The following MEI4 variants were observed in gnomAD, a reference collection of about 807,000 sequenced individuals.
MEI4 encodes the protein meiotic double-stranded break formation protein 4.
A neutral mutation model predicts 31.4 loss-of-function variants in MEI4; 27 were observed. The observed-to-expected ratio is 0.86, with a 90% CI of 0.63 to 1.19. MEI4 has a LOEUF of 1.19. MEI4 is among the 50% of genes most tolerant of loss of function. MEI4 has a pLI of 0.00. For synonymous variants in MEI4, 122 were observed against 145.4 expected (o/e 0.84, Z 1.16); for missense variants, 329 against 398.9 (o/e 0.82, Z 1.49).
intron 3 of MEI4, among the ~76,000 whole-genome samples, chr6:77,794,460 G>C (rs991749072): frequency 6.6e-6 from 1 of 152,262 alleles, no homozygotes; most frequent in East Asian, 1.9e-4. Context: ...CTACTCGGGA[G>C]GGTGAGGCAG....
chr6:77,806,035 T>A (rs1331322197), intron 3 of MEI4, among the ~76,000 whole-genome samples: 1 of 152,142 alleles, frequency 6.6e-6, no homozygotes, highest in East Asian at 1.9e-4. Context: ...CCCTTTCGTC[T>A]GGCTTGTTTC....
intron 4 of MEI4, 77 bp from the exon 5 acceptor site, chr6:77,923,012 C>T (rs1766745237): frequency 1.1e-5 from 10 of 891,166 alleles, no homozygotes; most frequent in Non-Finnish European, 1.5e-5. Context: ...TTGCCTGAAA[C>T]TCTGATATCT....
intron 4 of MEI4, among the ~76,000 whole-genome samples, chr6:77,860,729 C>T (rs1327384891): frequency 6.6e-6 from 1 of 152,052 alleles, no homozygotes; most frequent in Non-Finnish European, 1.5e-5. Context: ...CTCCAAAATA[C>T]AACTCAAAGC....
intron 2 of MEI4, among the ~76,000 whole-genome samples, chr6:77,736,832 T>G (rs1767252828): frequency 6.7e-6 from 1 of 150,104 alleles, no homozygotes; most frequent in Non-Finnish European, 1.5e-5. Flanking sequence ...GGAGAGAAAG[T>G]GATTATTTTG....
intron 2 of MEI4, among the ~76,000 whole-genome samples, chr6:77,756,391 C>T (rs1169801749): frequency 6.6e-6 from 1 of 152,116 alleles, no homozygotes; most frequent in Middle Eastern, 3.4e-3. Flanking sequence ...TGAGTGGTTT[C>T]CAGTATGGAA....
chr6:77,720,513 G>A lies in MEI4; in HGVS notation c.232+29610G>A. Among the ~76,000 whole-genome samples, 2 of 135,200 alleles carry A rather than the reference G, an allele frequency of 1.5e-5. 1 individual carries two copies. The highest frequency in any genetic ancestry group is 3.2e-5 in the Non-Finnish European group (2 of 62,648). 88.7% of individuals were successfully genotyped at this position (135,200 alleles called of 152,430 possible). On this transcript the variant is annotated intron_variant, in intron 2 of 4. Coordinates refer to ENST00000684080, the MANE Select transcript of MEI4 (RefSeq NM_001322247.2). ...AGTTGCCCATATGAAATGTGAATAA[G>A]TATCAACTGTTACATGAACATATGA...
chr6:77,708,243 A>T (rs112175592), intron 2 of MEI4, among the ~76,000 whole-genome samples: 4 of 152,246 alleles, frequency 2.6e-5, no homozygotes, highest in African/African-American at 9.6e-5. Context: ...CCAGTATGTC[A>T]TGGATATGGG....
intron 4 of MEI4, among the ~76,000 whole-genome samples, chr6:77,914,314 A>G (rs1766495316): frequency 6.6e-6 from 1 of 151,942 alleles, no homozygotes; most frequent in Non-Finnish European, 1.5e-5. Context: ...TTGTTTCAAG[A>G]CATTTTTTAA....
In MEI4 at chr6:77,735,888, C is replaced by T. The variant is rs548302516; in HGVS notation, c.233-25242C>T. Reference sequence around the variant, plus strand: ...TCAGCTGCAGGTCTGTTGGAGTACCCGGCCGTGTGAGGTGTCAGTCTGCCC... The same window carrying T: ...TCAGCTGCAGGTCTGTTGGAGTACCTGGCCGTGTGAGGTGTCAGTCTGCCC... On this transcript the variant is annotated intron_variant, in intron 2 of 4. Coordinates refer to ENST00000684080, the MANE Select transcript of MEI4 (RefSeq NM_001322247.2). Among the ~76,000 whole-genome samples, 12 of 151,686 alleles carry T rather than the reference C, an allele frequency of 7.9e-5. No individual in the cohort carries two copies. In the South Asian group the frequency reaches 8.4e-4, roughly 11 times the overall value.
At chr6:77,866,468 C>A (rs1255721204) in intron 4 of MEI4, among the ~76,000 whole-genome samples, 4 of 152,154 alleles carry the variant, frequency 2.6e-5, no homozygotes, top group Admixed American at 1.3e-4. Flanking sequence ...AGTGAACTCC[C>A]ATTCACAATT....
At chr6:77,817,687 GAT>G (rs1328891914) in intron 3 of MEI4, among the ~76,000 whole-genome samples, 3 of 151,736 alleles carry the variant, frequency 2.0e-5, no homozygotes, top group Non-Finnish European at 2.9e-5. Context: ...GATAAAATGT[GAT>G]GTTATAATTT....
chr6:77,716,088 C>A (rs1766577172), intron 2 of MEI4, among the ~76,000 whole-genome samples: 1 of 152,148 alleles, frequency 6.6e-6, no homozygotes, highest in Non-Finnish European at 1.5e-5. Flanking sequence ...TGCCTGGCAC[C>A]ATGCTAAGTG....
At chr6:77,663,122 C>G (rs1768544609) in intron 1 of MEI4, among the ~76,000 whole-genome samples, 1 of 152,184 alleles carries the variant, frequency 6.6e-6, no homozygotes, top group South Asian at 2.1e-4. Flanking sequence ...GGTGGATAGG[C>G]AAAACAATTT....
At chr6:77,841,314 C>CATATATATATATATATATATATATAT (rs1315994932) in intron 4 of MEI4, among the ~76,000 whole-genome samples, 2 of 51,898 alleles carry the variant, frequency 3.9e-5, no homozygotes, top group African/African-American at 2.3e-4. Flanking sequence ...CAAATGTGTG[C>CATATATATATATATATATATATATAT]ATATATATAT....
intron 2 of MEI4, among the ~76,000 whole-genome samples, chr6:77,705,175 C>T (rs558681625): frequency 1.3e-5 from 2 of 151,802 alleles, no homozygotes; most frequent in South Asian, 4.2e-4. Flanking sequence ...TCTCTCCCTT[C>T]TCCCCTCCAT....
intron 2 of MEI4, among the ~76,000 whole-genome samples, chr6:77,735,464 A>C (rs1474917033): frequency 1.3e-5 from 2 of 151,684 alleles, no homozygotes; most frequent in Admixed American, 1.3e-4. Context: ...GTAGTTCTCG[A>C]GCCTTGGTTT....
At chr6:77,716,552 T>C (rs1766585852) in intron 2 of MEI4, among the ~76,000 whole-genome samples, 1 of 152,038 alleles carries the variant, frequency 6.6e-6, no homozygotes, top group South Asian at 2.1e-4. Context: ...GCTGAATGTG[T>C]GGAGTCCAGT....
chr6:77,800,255 C>T (rs1194725113), intron 3 of MEI4, among the ~76,000 whole-genome samples: 1 of 152,002 alleles, frequency 6.6e-6, no homozygotes, highest in Non-Finnish European at 1.5e-5. Flanking sequence ...CTCTTTGAAG[C>T]AATTGTGAAT....
chr6:77,918,902 G>T (rs1766632326), intron 4 of MEI4, among the ~76,000 whole-genome samples: 1 of 151,952 alleles, frequency 6.6e-6, no homozygotes, highest in Non-Finnish European at 1.5e-5. Flanking sequence ...ATTGGCTGTG[G>T]GATTCTCATA....
Sources: gnomAD v4.1 joint callset for allele counts (sites outside exome capture counted in the v4.1 genomes callset) on GRCh38, gnomAD v4.1.1 for gene constraint, MANE v1.5 for transcripts, NCBI Gene and HGNC (gene_info 2026-07-23, HGNC 2026-07-21) for gene names.